RNLS: variants seen among roughly 807,000 people sequenced by gnomAD.
RNLS encodes renalase, FAD dependent amine oxidase.
A neutral mutation model predicts 39.8 loss-of-function variants in RNLS; 39 were observed. The ratio of observed to expected loss-of-function variants is 0.98; its 90% CI spans 0.76 to 1.28. The LOEUF (loss-of-function observed/expected upper bound fraction) is 1.28, where lower values mean the gene tolerates loss of function less well. RNLS is among the 50% of genes most tolerant of loss of function. The probability of loss-of-function intolerance (pLI) is 0.00; values close to 1 mark genes in which losing one functional copy is unlikely to be tolerated. For missense variants in RNLS, 410 were observed against 413.3 expected (o/e 0.99, Z 0.07); for synonymous variants, 147 against 150.7 (o/e 0.98, Z 0.18).
downstream of RNLS, among the ~76,000 whole-genome samples, chr10:88,272,349 A>T (rs76329775): frequency 0.022 from 3,274 of 152,218 alleles, 130 homozygotes; most frequent in African/African-American, 0.075. Flanking sequence ...TTAATTTTTT[A>T]AAAAAGCTTC....
chr10:88,308,163 G>A (rs191501551), intron 6 of RNLS, among the ~76,000 whole-genome samples: 6 of 152,194 alleles, frequency 3.9e-5, no homozygotes, highest in East Asian at 1.9e-4. Context: ...AAAACCCAAC[G>A]CTATAAACAC....
chr10:88,238,924 TC>T, the RNLS span, among the ~76,000 whole-genome samples: 1 of 152,106 alleles, frequency 6.6e-6, no homozygotes, highest in Non-Finnish European at 1.5e-5. Context: ...CAAGACAGCC[TC>T]CCTATGCCAG....
chr10:88,464,578 A>G (rs1843103917), intron 4 of RNLS, among the ~76,000 whole-genome samples: 1 of 152,134 alleles, frequency 6.6e-6, no homozygotes. Context: ...ACAGCTGATA[A>G]TGTTTGCACA....
At chr10:88,316,041 A>C (rs566675449) in intron 5 of RNLS, among the ~76,000 whole-genome samples, 21 of 152,298 alleles carry the variant, frequency 1.4e-4, no homozygotes, top group African/African-American at 5.1e-4. Flanking sequence ...CTGGTTTATG[A>C]ATTTTATGGC....
At chr10:88,386,252 G>A (rs188291994) in intron 4 of RNLS, among the ~76,000 whole-genome samples, 4 of 152,292 alleles carry the variant, frequency 2.6e-5, no homozygotes, top group African/African-American at 9.6e-5. Flanking sequence ...ATACTGGACT[G>A]CTAAGAATCC....
At chr10:88,530,576 T>C (rs1847363904) in intron 4 of RNLS, among the ~76,000 whole-genome samples, 1 of 152,210 alleles carries the variant, frequency 6.6e-6, no homozygotes, top group African/African-American at 2.4e-5. Flanking sequence ...TTTAGTTTAA[T>C]GTTTAACAAA....
chr10:88,525,570 G>A (rs1023065934), intron 4 of RNLS, among the ~76,000 whole-genome samples: 4 of 152,002 alleles, frequency 2.6e-5, no homozygotes, highest in South Asian at 2.1e-4. Flanking sequence ...TACTACATAC[G>A]CAAACACTTA....
Position 88,583,256 on chromosome 10 carries a change from A to G in RNLS, c.-66T>C, listed in dbSNP as rs1199934533. 1.0e-5 allele frequency: 16 copies of G among 1,591,972 alleles called. No individual in the cohort carries two copies. Among genetic ancestry groups the G allele is most frequent in the Non-Finnish European group, 1.2e-5 (14 of 1,172,684 alleles). On this transcript the variant is annotated 5_prime_UTR_variant, in exon 1 of 7. Coordinates refer to ENST00000331772, the MANE Select transcript of RNLS (RefSeq NM_001031709.3). Reference sequence around the variant, plus strand: ...GGGCCGTTCGGCCCGGGCTTTCTGGAAAGGCGGCCGAACCGGCGCTAGCGC... The same window carrying G: ...GGGCCGTTCGGCCCGGGCTTTCTGGGAAGGCGGCCGAACCGGCGCTAGCGC...
At chr10:88,254,352 T>C in the RNLS span, among the ~76,000 whole-genome samples, 1 of 152,228 alleles carries the variant, frequency 6.6e-6, no homozygotes, top group Non-Finnish European at 1.5e-5. Flanking sequence ...CTCCCCAAAC[T>C]ATGAAATTAA....
chr10:88,446,891 C>T (rs556026115), intron 4 of RNLS, among the ~76,000 whole-genome samples: 1 of 152,268 alleles, frequency 6.6e-6, no homozygotes, highest in East Asian at 1.9e-4. Context: ...CCAGCATATA[C>T]ACAGAACCAA....
At chr10:88,184,002 C>T in the RNLS span, among the ~76,000 whole-genome samples, 1 of 152,002 alleles carries the variant, frequency 6.6e-6, no homozygotes, top group Admixed American at 6.6e-5. Flanking sequence ...AAAGTTAACA[C>T]AGAGGAAAAA....
At chr10:88,196,302 C>G in the RNLS span, among the ~76,000 whole-genome samples, 1 of 152,224 alleles carries the variant, frequency 6.6e-6, no homozygotes, top group Non-Finnish European at 1.5e-5. Flanking sequence ...ATAGGCAAAG[C>G]CCTTTCTGGC....
At chr10:88,436,401 G>C (rs1365302857) in intron 4 of RNLS, among the ~76,000 whole-genome samples, 2 of 152,144 alleles carry the variant, frequency 1.3e-5, no homozygotes, top group Non-Finnish European at 2.9e-5. Flanking sequence ...GGCCAGGGCA[G>C]TTCTGAATCA....
At position 88,578,817 on chromosome 10, in the gene RNLS, T is replaced by C. The variant is rs539601991; in HGVS notation, c.367+2750A>G. 5.1e-4 allele frequency among the ~76,000 whole-genome samples: 78 copies of C among 152,228 alleles called. 2 individuals carry two copies. The South Asian group carries it at 0.016, about 31-fold the overall frequency. ...TAACAAAATAAGGAGATAGATGCAA[T>C]GTATTCAAAGATGTTTCTCTGCCAG... On this transcript the variant is annotated intron_variant, in intron 3 of 6. Transcript: ENST00000331772.
At chr10:88,235,978 A>G in the RNLS span, among the ~76,000 whole-genome samples, 1 of 152,108 alleles carries the variant, frequency 6.6e-6, no homozygotes, top group Admixed American at 6.5e-5. Flanking sequence ...TTACTTAAAT[A>G]AGAAATTATG....
intron 4 of RNLS, among the ~76,000 whole-genome samples, chr10:88,383,469 T>G (rs1453545032): frequency 1.3e-5 from 2 of 152,150 alleles, no homozygotes; most frequent in Admixed American, 6.5e-5. Context: ...TCAAACTGCT[T>G]TCTACATTTC....
intron 4 of RNLS, among the ~76,000 whole-genome samples, chr10:88,473,910 C>G (rs186248557): frequency 6.6e-6 from 1 of 152,060 alleles, no homozygotes; most frequent in Non-Finnish European, 1.5e-5. Context: ...GTCTTTTCTG[C>G]TCCTGGTTGT....
intron 4 of RNLS, among the ~76,000 whole-genome samples, chr10:88,404,318 T>C (rs112927690): frequency 6.6e-6 from 1 of 152,062 alleles, no homozygotes; most frequent in African/African-American, 2.4e-5. Flanking sequence ...AGAATCTTTG[T>C]GACCTGGGAC....
intron 4 of RNLS, among the ~76,000 whole-genome samples, chr10:88,402,414 AGT>A (rs1302699269): frequency 6.6e-6 from 1 of 151,336 alleles, no homozygotes; most frequent in Non-Finnish European, 1.5e-5. Context: ...ACATTGAAAG[AGT>A]GTATCATGTC....
Sources: gnomAD v4.1 joint callset for allele counts (sites outside exome capture counted in the v4.1 genomes callset) on GRCh38, gnomAD v4.1.1 for gene constraint, MANE v1.5 for transcripts, NCBI Gene and HGNC (gene_info 2026-07-23, HGNC 2026-07-21) for gene names.